Variants in CSMD1 observed in about 807,000 individuals in gnomAD.
CSMD1 encodes CUB and Sushi multiple domains 1.
A neutral mutation model predicts 417.5 loss-of-function variants in CSMD1; 213 were observed. The observed-to-expected ratio is 0.51, with a 90% CI of 0.46 to 0.57. The LOEUF is 0.57. CSMD1 is among the 20% of genes least tolerant of loss of function. The probability of loss-of-function intolerance (pLI) is 0.00; values close to 1 mark genes in which losing one functional copy is unlikely to be tolerated. For missense variants in CSMD1, 6,923 were observed against 4,529.7 expected (o/e 1.53, Z -15.17); for synonymous variants, 2,862 against 1,736.8 (o/e 1.65, Z -16.11).
intron 5 of CSMD1, among the ~76,000 whole-genome samples, chr8:3,959,835 T>A (rs1429939357): frequency 6.6e-6 from 1 of 152,206 alleles, no homozygotes; most frequent in Non-Finnish European, 1.5e-5. Flanking sequence ...CACCAAGTGA[T>A]GTAGAGAAAA....
chr8:3,782,096 T>A (rs551151376), intron 5 of CSMD1, among the ~76,000 whole-genome samples: 2 of 152,260 alleles, frequency 1.3e-5, no homozygotes, highest in Admixed American at 6.5e-5. Flanking sequence ...ACAATAAAAT[T>A]TGAGAGCCAT....
chr8:3,015,005 T>C (rs1808717189), intron 52 of CSMD1, among the ~76,000 whole-genome samples: 1 of 152,072 alleles, frequency 6.6e-6, no homozygotes, highest in South Asian at 2.1e-4. Flanking sequence ...ACACCGTATG[T>C]GTGTAACGAA....
At chr8:4,758,701 G>T (rs543203793) in intron 1 of CSMD1, among the ~76,000 whole-genome samples, 1 of 151,806 alleles carries the variant, frequency 6.6e-6, no homozygotes, top group African/African-American at 2.4e-5. Flanking sequence ...ATGGCAGCAG[G>T]TAAGATAAAG....
At chr8:4,405,908 C>G (rs878913512) in intron 3 of CSMD1, among the ~76,000 whole-genome samples, 2 of 152,156 alleles carry the variant, frequency 1.3e-5, no homozygotes, top group East Asian at 3.9e-4. Flanking sequence ...AATATTTGCT[C>G]CAAGGAGCAT....
chr8:3,429,042 G>A (rs988436538), intron 12 of CSMD1, among the ~76,000 whole-genome samples: 8 of 152,160 alleles, frequency 5.3e-5, no homozygotes, highest in Admixed American at 6.5e-5. Flanking sequence ...GGGGGAGGCA[G>A]GAGGACAGGA....
chr8:4,351,658 C>T (rs1404382995), intron 3 of CSMD1, among the ~76,000 whole-genome samples: 1 of 152,056 alleles, frequency 6.6e-6, no homozygotes, highest in Admixed American at 6.6e-5. Context: ...GAAAGGCTTC[C>T]CAGGCAAGAT....
At chr8:2,990,131 A>G (rs1806250076) in intron 54 of CSMD1, among the ~76,000 whole-genome samples, 1 of 152,176 alleles carries the variant, frequency 6.6e-6, no homozygotes, top group Admixed American at 6.5e-5. Flanking sequence ...CAGTCATGCA[A>G]TTTATTTTCT....
Position 4,370,783 on chromosome 8 carries a change from G to C in CSMD1, c.415+49170C>G, listed in dbSNP as rs572007612. ...TGGCAAATTTAATTCACAAGATCCA[G>C]TTTGGTTCTTTCTTAAAATGGTTAT... On this transcript the variant is annotated intron_variant, in intron 3 of 69. Coordinates refer to ENST00000635120, the MANE Select transcript of CSMD1 (RefSeq NM_033225.6). Among the ~76,000 whole-genome samples, 7 of 152,322 alleles carry C rather than the reference G, an allele frequency of 4.6e-5. No individual in the cohort carries two copies. In the East Asian group the frequency reaches 7.7e-4, roughly 17 times the overall value.
At chr8:4,297,165 T>C (rs1271133486) in intron 3 of CSMD1, among the ~76,000 whole-genome samples, 1 of 152,110 alleles carries the variant, frequency 6.6e-6, no homozygotes, top group African/African-American at 2.4e-5. Flanking sequence ...AAAATAGTCA[T>C]GAATATACTT....
chr8:3,282,954 A>G (rs1802850760), intron 26 of CSMD1, among the ~76,000 whole-genome samples: 1 of 152,174 alleles, frequency 6.6e-6, no homozygotes, highest in South Asian at 2.1e-4. Context: ...GCTGCCCAAT[A>G]ATATGGCATC....
intron 11 of CSMD1, among the ~76,000 whole-genome samples, chr8:3,478,980 C>G (rs927753857): frequency 1.3e-5 from 2 of 152,132 alleles, no homozygotes; most frequent in Admixed American, 6.5e-5. Context: ...TCCCTCCGAC[C>G]TCCCTCATCG....
chr8:3,310,497 A>G (rs192433121), intron 23 of CSMD1, among the ~76,000 whole-genome samples: 120 of 152,300 alleles, frequency 7.9e-4, no homozygotes, highest in African/African-American at 2.8e-3. Flanking sequence ...CTCCCTATTA[A>G]TAACAAACAA....
At position 3,613,690 on chromosome 8, in the gene CSMD1, A is replaced by G. The variant is rs573756603; in HGVS notation, c.1097+3020T>C. On this transcript the variant is annotated intron_variant, in intron 8 of 69. Transcript: ENST00000635120. The stretch of plus-strand genomic sequence containing the variant: ...AAACTTTTGAAAAAATTCCAAATTC[A>G]TGTCAGATTAAAACACACACACACA... Among the ~76,000 whole-genome samples, 988 of 142,598 alleles carry G rather than the reference A, an allele frequency of 6.9e-3. 9 individuals are homozygous for G. Among genetic ancestry groups the G allele is most frequent in the African/African-American group, 0.024 (954 of 39,266 alleles). The allele number at this position is 142,598 out of a possible 152,430, so 93.5% of individuals were successfully genotyped here.
At chr8:4,875,310 T>C (rs1344462049) in intron 1 of CSMD1, among the ~76,000 whole-genome samples, 2 of 152,074 alleles carry the variant, frequency 1.3e-5, no homozygotes, top group African/African-American at 4.8e-5. Flanking sequence ...GAAAATATGA[T>C]ATGACCTTGT....
intron 3 of CSMD1, among the ~76,000 whole-genome samples, chr8:4,093,396 A>G (rs1456476290): frequency 6.6e-6 from 1 of 152,198 alleles, no homozygotes; most frequent in Non-Finnish European, 1.5e-5. Context: ...AGAAAGCCAA[A>G]TTGTTTAAAG....
chr8:3,762,419 C>T (rs922884018), intron 5 of CSMD1, among the ~76,000 whole-genome samples: 36 of 152,318 alleles, frequency 2.4e-4, no homozygotes, highest in East Asian at 5.8e-4. Flanking sequence ...TCTCCTGACA[C>T]GCCAGACTTA....
chr8:4,837,838 T>C (rs745399490), intron 1 of CSMD1, among the ~76,000 whole-genome samples: 4 of 152,074 alleles, frequency 2.6e-5, no homozygotes, highest in Non-Finnish European at 4.4e-5. Flanking sequence ...TGATATAGCA[T>C]GCCTATATCA....
At chr8:3,131,757 C>T (rs1226950229) in intron 41 of CSMD1, among the ~76,000 whole-genome samples, 1 of 152,122 alleles carries the variant, frequency 6.6e-6, no homozygotes, top group African/African-American at 2.4e-5. Context: ...CAAGCATGAG[C>T]CACTGTGCCC....
chr8:4,029,692 C>G (rs4875084), intron 4 of CSMD1, among the ~76,000 whole-genome samples: 33,306 of 152,018 alleles, frequency 0.22, 4,086 homozygotes, highest in Admixed American at 0.29. Flanking sequence ...CATTTCAAAA[C>G]CAACCATGCC....
Sources: gnomAD v4.1 joint callset for allele counts (sites outside exome capture counted in the v4.1 genomes callset) on GRCh38, gnomAD v4.1.1 for gene constraint, MANE v1.5 for transcripts, NCBI Gene and HGNC (gene_info 2026-07-23, HGNC 2026-07-21) for gene names.